APOOL: variants seen among roughly 807,000 people sequenced by gnomAD.
APOOL encodes the protein apolipoprotein O like, also known as MICOS complex subunit MIC27.
Under a neutral mutation model 23.1 loss-of-function variants are expected in APOOL, and 12 were observed. That is an observed-to-expected ratio of 0.52 (90% CI 0.33 to 0.84). The LOEUF is 0.84. APOOL is among the 40% of genes least tolerant of loss of function. The pLI is 0.02. For synonymous variants in APOOL, 77 were observed against 69.9 expected, an observed-to-expected ratio of 1.10 and a Z score of -0.51; for missense variants, 212 against 199.6, an observed-to-expected ratio of 1.06 and a Z score of -0.37.
chrX:85,050,795 T>G (rs1035953877), intron 2 of APOOL, among the ~76,000 whole-genome samples: 1 of 110,295 alleles, frequency 9.1e-6, no homozygotes, highest in East Asian at 2.8e-4. Flanking sequence ...GCACCCAATT[T>G]AAAGGAAAAC....
intron 1 of APOOL, among the ~76,000 whole-genome samples, chrX:85,037,777 A>G (rs1042691224): frequency 9.0e-6 from 1 of 111,492 alleles, no homozygotes; most frequent in Non-Finnish European, 1.9e-5. Flanking sequence ...TAAGCCGCAC[A>G]TAGAAGAATG....
chrX:85,019,887 G>C (rs185102663), intron 1 of APOOL, among the ~76,000 whole-genome samples: 1 of 112,036 alleles, frequency 8.9e-6, no homozygotes, highest in African/African-American at 3.2e-5. Context: ...CCAAAATTCA[G>C]GCCCCAGGGA....
At chrX:85,031,769 A>G (rs1328520955) in intron 1 of APOOL, among the ~76,000 whole-genome samples, 2 of 111,988 alleles carry the variant, frequency 1.8e-5, no homozygotes, top group African/African-American at 6.5e-5. Flanking sequence ...GGCCAGAGGA[A>G]GGCGGTAAAG....
intron 3 of APOOL, 39 bp from the exon 4 acceptor site, chrX:85,054,304 CA>C: frequency 8.8e-7 from 1 of 1,138,408 alleles, no homozygotes; most frequent in East Asian, 3.2e-5. Context: ...TCAACAGCTT[CA>C]AAAATGCAGA....
rs1442836894 is a variant in APOOL at position 85,088,140 on chromosome X, A to G, written c.*462A>G. 2.5e-3 allele frequency: 3 copies of G among 1,179 alleles called. 1 individual carries two copies. Among genetic ancestry groups the G allele is most frequent in the African/African-American group, 0.013 (3 of 239 alleles). 0.1% of individuals were successfully genotyped at this position (1,179 alleles called of 1,213,427 possible). ...TGTATAAATACATACATATTTATAC[A>G]TATATGTATAAATACATACATATTT... is the stretch of plus-strand genomic sequence containing the variant. On this transcript the variant is annotated 3_prime_UTR_variant, in exon 9 of 9. Coordinates refer to ENST00000373173, the MANE Select transcript of APOOL (RefSeq NM_198450.6).
At chrX:85,082,137 C>A (rs1332757298) in intron 8 of APOOL, among the ~76,000 whole-genome samples, 1 of 112,055 alleles carries the variant, frequency 8.9e-6, no homozygotes, top group Non-Finnish European at 1.9e-5. Flanking sequence ...CCATTGATGG[C>A]GAGGAGCTGT....
At position 85,025,035 on chromosome X, in the gene APOOL, C is replaced by T. The variant is rs142574182; in HGVS notation, c.15+21108C>T. On this transcript the variant is annotated intron_variant, in intron 1 of 8. Coordinates refer to ENST00000373173, the MANE Select transcript of APOOL (RefSeq NM_198450.6). ...AAGCAAAAGAGGTTTAATTGGCTCA[C>T]GATTGTTTAGGCTTTACAGGAAGCA... Among the ~76,000 whole-genome samples, 662 of 111,915 alleles carry T rather than the reference C, an allele frequency of 5.9e-3. 4 individuals are homozygous for T. The highest frequency in any genetic ancestry group is 0.02 in the African/African-American group (621 of 30,792).
At position 85,090,994 on chromosome X, in the gene APOOL, C is replaced by CTT. The variant is rs1411153275; in HGVS notation, c.*3318_*3319dup. The CTT allele has an allele frequency of 8.9e-6, 1 of 112,266 alleles. No homozygotes were observed. The highest frequency in any genetic ancestry group is 3.2e-5 in the African/African-American group (1 of 30,889). The allele number at this position is 112,266 out of a possible 1,213,427, so 9.3% of individuals were successfully genotyped here. Reference sequence around the variant, plus strand: ...GTGGCTCACACCTATAATCCCAGCACTTTGGGAGGCCAAGGTGGGTGAATC... The same window carrying CTT: ...GTGGCTCACACCTATAATCCCAGCACTTTTTGGGAGGCCAAGGTGGGTGAATC... On this transcript the variant is annotated 3_prime_UTR_variant, in exon 9 of 9. Transcript: ENST00000373173.
At chrX:85,045,982 G>A (rs772945577) in intron 1 of APOOL, among the ~76,000 whole-genome samples, 1 of 110,484 alleles carries the variant, frequency 9.1e-6, no homozygotes, top group Non-Finnish European at 1.9e-5. Context: ...TGTGTTTATT[G>A]CCTGCCTCCT....
Position 85,028,634 on chromosome X carries a change from A to AT in APOOL, c.16-17798dup, listed in dbSNP as rs1338559187. ...TGCTACCAAATAGTAGGTCTGATTG[A>AT]TTTTTTTTTTTTTTGTAATAACTAA... On this transcript the variant is annotated intron_variant, in intron 1 of 8. Transcript: ENST00000373173. Among the ~76,000 whole-genome samples the AT allele has an allele frequency of 9.8e-3, 986 of 101,043 alleles. 8 individuals are homozygous for AT. Among genetic ancestry groups the AT allele is most frequent in the African/African-American group, 0.028 (788 of 28,006 alleles). 87.7% of individuals were successfully genotyped at this position (101,043 alleles called of 115,157 possible).
In APOOL at chrX:85,092,960, G is replaced by A. The variant is rs866091522; in HGVS notation, c.*5282G>A. On this transcript the variant is annotated 3_prime_UTR_variant, in exon 9 of 9. Transcript: ENST00000373173. ...ACTTTCCCTTGATAGCAAAAAGGGT[G>A]TATAGTGTGGTTGTGGATTATATAT... The A allele has an allele frequency of 2.5e-5, 9 of 354,962 alleles. No homozygotes were observed. The highest frequency in any genetic ancestry group is 5.2e-5 in the African/African-American group (2 of 38,730). 29.3% of individuals were successfully genotyped at this position (354,962 alleles called of 1,213,427 possible). A position where few individuals can be genotyped will look rare whatever the true frequency, so the allele number is the denominator to read the frequency against.
chrX:85,023,474 G>A (rs975265547), intron 1 of APOOL, among the ~76,000 whole-genome samples: 8 of 111,301 alleles, frequency 7.2e-5, no homozygotes, highest in African/African-American at 2.0e-4. Flanking sequence ...TAAAATGTCC[G>A]TACTACCCAA....
intron 5 of APOOL, among the ~76,000 whole-genome samples, chrX:85,059,744 ATTTG>A (rs1261193463): frequency 6.3e-5 from 7 of 110,536 alleles, no homozygotes; most frequent in Admixed American, 1.9e-4. Context: ...TTTCTTGTAA[ATTTG>A]TTTGAGTTCA....
At chrX:85,053,605 C>T (rs1442818141) in intron 3 of APOOL, among the ~76,000 whole-genome samples, 3 of 111,367 alleles carry the variant, frequency 2.7e-5, no homozygotes, top group Non-Finnish European at 5.7e-5. Flanking sequence ...AATATGACCA[C>T]GAGTAAATCA....
chrX:85,063,494 G>C (rs2147655490), intron 5 of APOOL, among the ~76,000 whole-genome samples: 1 of 111,643 alleles, frequency 9.0e-6, no homozygotes. Flanking sequence ...GATATTGGCT[G>C]TGGGTTTGTC....
rs57105866 is a variant in APOOL, at chrX:85,008,535, T to TTGTGTGTGTGTGTGTGTGTGTGTG, written c.15+4624_15+4647dup. The stretch of plus-strand genomic sequence containing the variant: ...TTTTTTATGGTTGAATGATAACCCG[T>TTGTGTGTGTGTGTGTGTGTGTGTG]TGTGTGTGTGTGTGTGTGTGTGTGT... On this transcript the variant is annotated intron_variant, in intron 1 of 8. Coordinates refer to ENST00000373173, the MANE Select transcript of APOOL (RefSeq NM_198450.6). Among the ~76,000 whole-genome samples the TTGTGTGTGTGTGTGTGTGTGTGTG allele has an allele frequency of 3.1e-4, 27 of 86,134 alleles. 1 individual carries two copies. Among genetic ancestry groups the TTGTGTGTGTGTGTGTGTGTGTGTG allele is most frequent in the African/African-American group, 9.5e-4 (22 of 23,130 alleles). The allele number at this position is 86,134 out of a possible 115,157, so 74.8% of individuals were successfully genotyped here. A position where few individuals can be genotyped will look rare whatever the true frequency, so the allele number is the denominator to read the frequency against.
Position 85,030,590 on chromosome X carries a change from A to G in APOOL, c.16-15856A>G, listed in dbSNP as rs774852676. On this transcript the variant is annotated intron_variant, in intron 1 of 8. Coordinates refer to ENST00000373173, the MANE Select transcript of APOOL (RefSeq NM_198450.6). ...CTACTCATCCACAAATAACAGTGAA[A>G]GAATGTCTTTTGTAGCAACTTGGAT... is the stretch of plus-strand genomic sequence containing the variant. Among the ~76,000 whole-genome samples the G allele has an allele frequency of 5.4e-5, 6 of 112,123 alleles. No homozygotes were observed. The South Asian group carries it at 2.2e-3, about 42-fold the overall frequency.
chrX:85,038,253 G>A (rs1219556012), intron 1 of APOOL, among the ~76,000 whole-genome samples: 1 of 111,136 alleles, frequency 9.0e-6, no homozygotes, highest in Non-Finnish European at 1.9e-5. Flanking sequence ...TCCTAGATTT[G>A]GCTTTCTAGT....
In APOOL at chrX:85,087,722, TG is replaced by T; in HGVS notation, c.*46del. 1 of 1,045,758 alleles carries T rather than the reference TG, an allele frequency of 9.6e-7. No individual in the cohort carries two copies. Among genetic ancestry groups the T allele is most frequent in the Non-Finnish European group, 1.3e-6 (1 of 776,904 alleles). 86.2% of individuals were successfully genotyped at this position (1,045,758 alleles called of 1,213,427 possible). ...ACTACACAGAAAACTACAAGATGTGTGGCGTTGCAAATAATGATGAAAATAA... is the reference window on the plus strand; with the variant it reads ...ACTACACAGAAAACTACAAGATGTGTGCGTTGCAAATAATGATGAAAATAA... On this transcript the variant is annotated 3_prime_UTR_variant, in exon 9 of 9. Transcript: ENST00000373173.
Sources: gnomAD v4.1 joint callset for allele counts (sites outside exome capture counted in the v4.1 genomes callset) on GRCh38, gnomAD v4.1.1 for gene constraint, MANE v1.5 for transcripts, NCBI Gene and HGNC (gene_info 2026-07-23, HGNC 2026-07-21) for gene names.